The following FER variants were observed in gnomAD, a reference collection of about 807,000 sequenced individuals.
FER encodes FER tyrosine kinase, also known as tyrosine-protein kinase Fer.
A neutral mutation model predicts 111.0 loss-of-function variants in FER; 63 were observed. The ratio of observed to expected loss-of-function variants is 0.57; its 90% CI spans 0.46 to 0.70. The LOEUF is 0.70. FER is among the 30% of genes least tolerant of loss of function. The pLI, the probability that FER is intolerant of heterozygous loss-of-function variation, is 0.00. For missense variants in FER, 914 were observed against 954.0 expected (o/e 0.96, Z 0.55); for synonymous variants, 327 against 313.9 (o/e 1.04, Z -0.44).
chr5:108,851,516 C>A (rs1762544606), intron 5 of FER, among the ~76,000 whole-genome samples: 1 of 152,026 alleles, frequency 6.6e-6, no homozygotes, highest in Admixed American at 6.6e-5. Flanking sequence ...TATACACATG[C>A]AGGTTCTTGT....
chr5:108,858,706 C>T (rs1413016737), intron 5 of FER, among the ~76,000 whole-genome samples: 1 of 150,642 alleles, frequency 6.6e-6, no homozygotes, highest in Non-Finnish European at 1.5e-5. Context: ...TTTTCCTTTG[C>T]TTCTCCATTG....
intron 17 of FER, among the ~76,000 whole-genome samples, chr5:109,163,277 T>A (rs1274822895): frequency 6.6e-6 from 1 of 152,196 alleles, no homozygotes; most frequent in African/African-American, 2.4e-5. Context: ...ACAGATTGTT[T>A]TCCAATCTCC....
chr5:108,768,274 A>G (rs1406756074), intron 2 of FER, 36 bp downstream of exon 2: 12 of 152,144 alleles, frequency 7.9e-5, no homozygotes, highest in Admixed American at 6.5e-5. Context: ...AAGTTACTAA[A>G]CCGTTTTTTA....
At chr5:108,845,039 TAC>T (rs1561503222) in intron 5 of FER, among the ~76,000 whole-genome samples, 863 of 51,342 alleles carry the variant, frequency 0.017, 4 homozygotes, top group African/African-American at 0.033. Flanking sequence ...TATATATATA[TAC>T]ATATATATAT....
intron 17 of FER, among the ~76,000 whole-genome samples, chr5:109,179,931 G>A (rs1758114887): frequency 6.6e-6 from 1 of 152,252 alleles, no homozygotes; most frequent in East Asian, 1.9e-4. Context: ...GATTAGAGTG[G>A]TCAGGAAAGA....
At chr5:108,866,262 A>T (rs1366121167) in intron 5 of FER, among the ~76,000 whole-genome samples, 1 of 152,222 alleles carries the variant, frequency 6.6e-6, no homozygotes, top group African/African-American at 2.4e-5. Context: ...GCCATAAAAA[A>T]GGATGAGTTC....
intron 1 of FER, among the ~76,000 whole-genome samples, chr5:108,764,430 T>C (rs928825040): frequency 2.0e-5 from 3 of 152,158 alleles, no homozygotes; most frequent in South Asian, 4.1e-4. Context: ...GAAGTTTCAC[T>C]CTTGTTGCCC....
chr5:109,105,413 A>C (rs1748789163), intron 17 of FER, among the ~76,000 whole-genome samples: 2 of 152,136 alleles, frequency 1.3e-5, no homozygotes, highest in Non-Finnish European at 2.9e-5. Context: ...AGCTTTTCCT[A>C]AACTGTGAGT....
chr5:108,799,273 C>G (rs929742348), intron 3 of FER, among the ~76,000 whole-genome samples: 1 of 152,158 alleles, frequency 6.6e-6, no homozygotes, highest in African/African-American at 2.4e-5. Flanking sequence ...ATATTAAACT[C>G]TAATAGTTCT....
At chr5:109,157,058 A>C (rs1165660105) in intron 17 of FER, among the ~76,000 whole-genome samples, 3 of 152,140 alleles carry the variant, frequency 2.0e-5, no homozygotes, top group Non-Finnish European at 2.9e-5. Context: ...GCCATAAATC[A>C]CAGGAATATC....
intron 17 of FER, among the ~76,000 whole-genome samples, chr5:109,128,853 T>C (rs1752041251): frequency 6.6e-6 from 1 of 152,038 alleles, no homozygotes; most frequent in Non-Finnish European, 1.5e-5. Flanking sequence ...GAAAAATATG[T>C]CACAAAAATT....
intron 16 of FER, among the ~76,000 whole-genome samples, chr5:109,078,188 A>G (rs1776591532): frequency 6.6e-6 from 1 of 152,162 alleles, no homozygotes; most frequent in South Asian, 2.1e-4. Flanking sequence ...CATATGTGCC[A>G]CTAGTGACAT....
chr5:108,782,106 T>G (rs373894515), intron 2 of FER, among the ~76,000 whole-genome samples: 2 of 152,182 alleles, frequency 1.3e-5, no homozygotes, highest in East Asian at 1.9e-4. Context: ...TACCCTGCAC[T>G]GGTTCCTGCA....
chr5:109,037,612 T>C, intron 14 of FER, 134 bp downstream of exon 14: 1 of 602,550 alleles, frequency 1.7e-6, no homozygotes, highest in Non-Finnish European at 2.9e-6. Flanking sequence ...CACAATGCTA[T>C]ATCTTCTCAA....
At chr5:109,134,680 C>T (rs1157153339) in intron 17 of FER, among the ~76,000 whole-genome samples, 1 of 152,128 alleles carries the variant, frequency 6.6e-6, no homozygotes, top group Non-Finnish European at 1.5e-5. Context: ...ACACTAAAAC[C>T]ACTGAGAAGA....
chr5:109,123,157 G>GTT (rs747514879), intron 17 of FER, among the ~76,000 whole-genome samples: 7,986 of 124,110 alleles, frequency 0.064, 467 homozygotes, highest in Middle Eastern at 0.11. Context: ...TTCCTGTCTT[G>GTT]TTTTTTTTTT....
intron 3 of FER, among the ~76,000 whole-genome samples, chr5:108,818,841 A>G (rs959605262): frequency 1.3e-5 from 2 of 152,144 alleles, no homozygotes; most frequent in Non-Finnish European, 2.9e-5. Flanking sequence ...CTTGCCCTAC[A>G]AGGACTTCTT....
chr5:108,869,891 T>G (rs1262345242), intron 6 of FER, among the ~76,000 whole-genome samples: 1 of 152,150 alleles, frequency 6.6e-6, no homozygotes, highest in Admixed American at 6.6e-5. Context: ...TGATCCTCCA[T>G]ATTCACATAA....
At chr5:109,069,345 G>A (rs527321022) in intron 16 of FER, among the ~76,000 whole-genome samples, 1 of 152,234 alleles carries the variant, frequency 6.6e-6, no homozygotes, top group Admixed American at 6.5e-5. Context: ...ATAAGAGATA[G>A]GCAAATCAAA....
Sources: allele counts gnomAD v4.1 joint callset (sites outside exome capture counted in the v4.1 genomes callset), GRCh38; gene constraint gnomAD v4.1.1; transcripts MANE v1.5; gene names NCBI Gene and HGNC (gene_info 2026-07-23, HGNC 2026-07-21).